LINGO2: variants seen among roughly 807,000 people sequenced by gnomAD.
LINGO2 encodes the protein leucine-rich repeat and immunoglobulin-like domain-containing nogo receptor-interacting protein 2.
In LINGO2, 14 loss-of-function variants were observed where a neutral mutation model predicts 30.6. The observed-to-expected ratio is 0.46, with a 90% CI of 0.30 to 0.72. LINGO2 has a LOEUF of 0.72. LINGO2 is among the 30% of genes least tolerant of loss of function. The probability of loss-of-function intolerance (pLI) is 0.07; values close to 1 mark genes in which losing one functional copy is unlikely to be tolerated. For synonymous variants in LINGO2, 317 were observed against 288.5 expected, an observed-to-expected ratio of 1.10 and a Z score of -1.00; for missense variants, 729 against 751.7, an observed-to-expected ratio of 0.97 and a Z score of 0.35.
intron 4 of LINGO2, among the ~76,000 whole-genome samples, chr9:28,050,353 A>T (rs1258712093): frequency 6.6e-6 from 1 of 150,786 alleles, no homozygotes; most frequent in Non-Finnish European, 1.5e-5. Flanking sequence ...AAAGCCCCAT[A>T]TCTGGAGTCT....
the LINGO2 span, among the ~76,000 whole-genome samples, chr9:28,790,325 C>CTTTCTTTTTTTTT: frequency 9.4e-5 from 10 of 106,256 alleles, no homozygotes; most frequent in African/African-American, 3.9e-4. Flanking sequence ...TCTTTTCTTT[C>CTTTCTTTTTTTTT]TTTTTTTTTT....
the LINGO2 span, among the ~76,000 whole-genome samples, chr9:29,171,464 G>T: frequency 6.6e-6 from 1 of 151,858 alleles, no homozygotes; most frequent in Non-Finnish European, 1.5e-5. Context: ...GGGCATCTTG[G>T]TATTTGGATT....
intron 1 of LINGO2, among the ~76,000 whole-genome samples, chr9:28,630,868 C>T (rs1826904668): frequency 1.3e-5 from 2 of 149,752 alleles, no homozygotes; most frequent in African/African-American, 4.9e-5. Context: ...AGCCTCTATT[C>T]ATAAGATCTT....
intron 4 of LINGO2, among the ~76,000 whole-genome samples, chr9:28,205,545 G>A (rs532636629): frequency 7.9e-5 from 12 of 152,226 alleles, no homozygotes; most frequent in African/African-American, 2.6e-4. Flanking sequence ...TGTTAACTGT[G>A]GGGAGACAAC....
At chr9:28,545,411 C>T (rs1214476286) in intron 1 of LINGO2, among the ~76,000 whole-genome samples, 2 of 152,026 alleles carry the variant, frequency 1.3e-5, no homozygotes, top group African/African-American at 2.4e-5. Flanking sequence ...AATATATCTG[C>T]TGGATGGTTA....
chr9:28,427,348 A>C lies in LINGO2; in HGVS notation c.-279+48592T>G, dbSNP rs190904886. 1.9e-3 allele frequency among the ~76,000 whole-genome samples: 296 copies of C among 152,194 alleles called. 3 individuals are homozygous for C. Among genetic ancestry groups the C allele is most frequent in the African/African-American group, 6.8e-3 (282 of 41,532 alleles). On this transcript the variant is annotated intron_variant, in intron 2 of 5. Coordinates refer to ENST00000379992, the Ensembl canonical transcript of LINGO2. The stretch of plus-strand genomic sequence containing the variant: ...TCTCACACATGTTCCTGCTTAAGAG[A>C]TATGAAGGCCCGGTGTGTATGAATA...
intron 5 of LINGO2, among the ~76,000 whole-genome samples, chr9:27,984,184 C>T (rs866197373): frequency 6.6e-6 from 1 of 151,818 alleles, no homozygotes; most frequent in African/African-American, 2.4e-5. Flanking sequence ...TGAAGTTATT[C>T]TTGGTTGCCT....
At chr9:27,978,334 G>A (rs1205856367) in intron 5 of LINGO2, among the ~76,000 whole-genome samples, 1 of 152,090 alleles carries the variant, frequency 6.6e-6, no homozygotes, top group Non-Finnish European at 1.5e-5. Context: ...ATGTCTAAAT[G>A]GGGTCTTGCT....
intron 5 of LINGO2, among the ~76,000 whole-genome samples, chr9:27,971,079 CTTTTTAT>C (rs1563867884): frequency 6.6e-6 from 1 of 151,850 alleles, no homozygotes. Flanking sequence ...TGGTTCTCCT[CTTTTTAT>C]TTTTTATTTA....
At chr9:28,769,532 T>A in the LINGO2 span, among the ~76,000 whole-genome samples, 2 of 47,432 alleles carry the variant, frequency 4.2e-5, no homozygotes, top group African/African-American at 1.9e-4. Flanking sequence ...TTTTTTTTTT[T>A]TTTTTTTTTT....
chr9:28,375,133 CATA>C lies in LINGO2; in HGVS notation c.-278-2268_-278-2266del, dbSNP rs1474516359. ...ACACACACACACACACACACACACACATACACCCCACACTAAGCTTCTCTCCAC... is the reference window on the plus strand; with the variant it reads ...ACACACACACACACACACACACACACCACCCCACACTAAGCTTCTCTCCAC... On this transcript the variant is annotated intron_variant, in intron 2 of 5. Transcript: ENST00000379992. Among the ~76,000 whole-genome samples the C allele has an allele frequency of 1.6e-4, 19 of 120,406 alleles. No individual in the cohort carries two copies. The South Asian group carries it at 2.4e-3, about 15-fold the overall frequency. The allele number at this position is 120,406 out of a possible 152,430, so 79.0% of individuals were successfully genotyped here.
chr9:28,741,820 G>T, the LINGO2 span, among the ~76,000 whole-genome samples: 2 of 151,916 alleles, frequency 1.3e-5, no homozygotes, highest in Non-Finnish European at 2.9e-5. Flanking sequence ...GATGAGTAGG[G>T]CTGCAGGAGC....
chr9:28,932,988 A>T, the LINGO2 span, among the ~76,000 whole-genome samples: 6 of 151,806 alleles, frequency 4.0e-5, no homozygotes, highest in Non-Finnish European at 7.4e-5. Context: ...CTCACTGCAA[A>T]CTCCACCTCC....
At chr9:28,593,827 A>C (rs1409738427) in intron 1 of LINGO2, among the ~76,000 whole-genome samples, 1 of 152,064 alleles carries the variant, frequency 6.6e-6, no homozygotes, top group Non-Finnish European at 1.5e-5. Flanking sequence ...TTAATTCCAA[A>C]GAACATTACA....
At chr9:28,703,684 T>G in the LINGO2 span, among the ~76,000 whole-genome samples, 1 of 152,120 alleles carries the variant, frequency 6.6e-6, no homozygotes, top group South Asian at 2.1e-4. Flanking sequence ...CATTTTTGAT[T>G]AAAAGGCATT....
At chr9:29,038,987 C>T in the LINGO2 span, among the ~76,000 whole-genome samples, 2 of 152,088 alleles carry the variant, frequency 1.3e-5, no homozygotes, top group Non-Finnish European at 2.9e-5. Context: ...TAGTCAGGTA[C>T]CAATCAGTGA....
At chr9:28,299,476 T>G (rs1320290978) in intron 3 of LINGO2, among the ~76,000 whole-genome samples, 2 of 152,056 alleles carry the variant, frequency 1.3e-5, no homozygotes, top group East Asian at 3.9e-4. Flanking sequence ...TTTAGTCTGA[T>G]GAAAAGGTCA....
the LINGO2 span, among the ~76,000 whole-genome samples, chr9:28,990,235 C>G: frequency 1.7e-3 from 258 of 152,306 alleles, 1 homozygote; most frequent in African/African-American, 5.7e-3. Context: ...CCTACGCCCA[C>G]GGAGTCTCGC....
intron 5 of LINGO2, among the ~76,000 whole-genome samples, chr9:28,002,754 G>C (rs1442660375): frequency 2.6e-5 from 4 of 151,512 alleles, no homozygotes; most frequent in African/African-American, 9.7e-5. Flanking sequence ...TTCCTAGCTA[G>C]GGCCACTGTC....
Sources: gnomAD v4.1 joint callset for allele counts (sites outside exome capture counted in the v4.1 genomes callset) on GRCh38, gnomAD v4.1.1 for gene constraint, MANE v1.5 for transcripts, NCBI Gene and HGNC (gene_info 2026-07-23, HGNC 2026-07-21) for gene names.